Variants in TOP3A observed in about 807,000 individuals in gnomAD.
TOP3A encodes DNA topoisomerase 3-alpha.
In TOP3A, 64 loss-of-function variants were observed where a neutral mutation model predicts 111.3. The ratio of observed to expected loss-of-function variants is 0.57; its 90% CI spans 0.47 to 0.71. The LOEUF is 0.71. Ranked by LOEUF, TOP3A falls within the 30% of genes least tolerant of loss-of-function variation. The pLI is 0.00. For missense variants in TOP3A, 1,104 were observed against 1,285.0 expected (o/e 0.86, Z 2.15); for synonymous variants, 484 against 485.1 (o/e 1.00, Z 0.03).
chr17:18,299,766 A>G (rs554404168), intron 8 of TOP3A, 133 bp from the exon 9 acceptor site: 796 of 779,988 alleles, frequency 1.0e-3, no homozygotes, highest in Non-Finnish European at 1.3e-3. Context: ...ACAGCCTAGA[A>G]GAGTGCCCCA....
chr17:18,284,579 AAT>A (rs1219073994), intron 15 of TOP3A, among the ~76,000 whole-genome samples: 1 of 152,096 alleles, frequency 6.6e-6, no homozygotes, highest in Non-Finnish European at 1.5e-5. Context: ...ATGAAGTCCA[AAT>A]ATATATATCT....
intron 15 of TOP3A, among the ~76,000 whole-genome samples, chr17:18,284,423 G>A (rs1225217102): frequency 3.3e-5 from 5 of 152,010 alleles, no homozygotes; most frequent in Non-Finnish European, 5.9e-5. Flanking sequence ...GGTAGGGGTG[G>A]GACTCAAAGT....
chr17:18,305,640 C>T (rs1224823632), intron 4 of TOP3A, among the ~76,000 whole-genome samples: 1 of 151,816 alleles, frequency 6.6e-6, no homozygotes, highest in South Asian at 2.1e-4. Flanking sequence ...AGATCGAGAC[C>T]ATCCTGGTTA....
rs1305568876 is a variant in TOP3A, at chr17:18,308,160, C to T, written c.314+191G>A. Among the ~76,000 whole-genome samples, 24 of 141,774 alleles carry T rather than the reference C, an allele frequency of 1.7e-4. No individual in the cohort carries two copies. The Admixed American group carries it at 1.9e-3, about 11-fold the overall frequency. The allele number at this position is 141,774 out of a possible 152,430, so 93.0% of individuals were successfully genotyped here. ...CCAGGAGGCAGAGGTTGCTGTGAGC[C>T]GAGATCACACCACTGCACTCCAGCC... On this transcript the variant is annotated intron_variant, in intron 3 of 18. Transcript: ENST00000321105.
In TOP3A at chr17:18,272,596, C is replaced by T. The variant is rs1459852177; in HGVS notation, c.*2206G>A. On this transcript the variant is annotated 3_prime_UTR_variant, in exon 19 of 19. Coordinates refer to ENST00000321105, the MANE Select transcript of TOP3A (RefSeq NM_004618.5). The stretch of plus-strand genomic sequence containing the variant: ...TGGGCTATCAGCTTATCATAAACAT[C>T]GAGGACTGACATGCTACAATGTGGA... Among the ~76,000 whole-genome samples the T allele has an allele frequency of 6.6e-6, 1 of 152,162 alleles. No homozygotes were observed. The highest frequency in any genetic ancestry group is 2.4e-5 in the African/African-American group (1 of 41,430).
intron 9 of TOP3A, 49 bp downstream of exon 9, chr17:18,299,510 A>C: frequency 1.3e-6 from 2 of 1,565,874 alleles, no homozygotes. Flanking sequence ...CACAGCCTCA[A>C]AACAGTAAGT....
At chr17:18,286,623 A>T (rs1383468777) in intron 13 of TOP3A, among the ~76,000 whole-genome samples, 1 of 152,218 alleles carries the variant, frequency 6.6e-6, no homozygotes, top group East Asian at 1.9e-4. Flanking sequence ...GGATGTGGAT[A>T]AACTGGAATC....
chr17:18,281,635 G>A (rs1053621170), intron 16 of TOP3A, among the ~76,000 whole-genome samples: 2 of 152,176 alleles, frequency 1.3e-5, no homozygotes, highest in Non-Finnish European at 2.9e-5. Flanking sequence ...ACTGGCTTCT[G>A]TCTGTGAGTG....
chr17:18,297,774 A>C (rs1980922427), intron 9 of TOP3A, among the ~76,000 whole-genome samples: 1 of 151,884 alleles, frequency 6.6e-6, no homozygotes, highest in South Asian at 2.1e-4. Context: ...GGCTCGCTAC[A>C]ACCTTCACCT....
Position 18,274,709 on chromosome 17 carries a change from G to C in TOP3A, c.*93C>G. The C allele has an allele frequency of 6.6e-7, 1 of 1,526,630 alleles. No individual in the cohort carries two copies. Among genetic ancestry groups the C allele is most frequent in the Non-Finnish European group, 8.8e-7 (1 of 1,136,690 alleles). The allele number at this position is 1,526,630 out of a possible 1,614,324, so 94.6% of individuals were successfully genotyped here. A position where few individuals can be genotyped will look rare whatever the true frequency, so the allele number is the denominator to read the frequency against. On this transcript the variant is annotated 3_prime_UTR_variant, in exon 19 of 19. Coordinates refer to ENST00000321105, the MANE Select transcript of TOP3A (RefSeq NM_004618.5). ...GCCAACACTGTCCTCTAAGTTTCCA[G>C]GACACTAAATGGCCACTTGGTCCTG...
At chr17:18,308,185 C>T (rs528345429) in intron 3 of TOP3A, 166 bp downstream of exon 3, 3 of 450,572 alleles carry the variant, frequency 6.7e-6, no homozygotes, top group African/African-American at 4.3e-5. Context: ...GCACTCCAGC[C>T]TGGGAGACAG....
At chr17:18,306,679 T>C in intron 4 of TOP3A, 2 of 487,610 alleles carry the variant, frequency 4.1e-6, no homozygotes, top group East Asian at 3.4e-5. Context: ...ATTCCTAGGA[T>C]TTAAACAACT....
At chr17:18,310,547 C>T (rs866312162) in intron 1 of TOP3A, among the ~76,000 whole-genome samples, 3 of 151,988 alleles carry the variant, frequency 2.0e-5, no homozygotes, top group Admixed American at 1.3e-4. Flanking sequence ...TATGGGTCCA[C>T]TTATAGGAAA....
intron 5 of TOP3A, chr17:18,303,140 A>T (rs1981342118): frequency 6.1e-6 from 1 of 163,546 alleles, no homozygotes; most frequent in African/African-American, 2.4e-5. Flanking sequence ...CTCAAGGTTT[A>T]AAGGATTTAG....
chr17:18,280,304 T>C, intron 17 of TOP3A: 1 of 382,696 alleles, frequency 2.6e-6, no homozygotes, highest in Non-Finnish European at 4.7e-6. Context: ...GAGCCCTTCA[T>C]GGTTCTTTGC....
Position 18,272,451 on chromosome 17 carries a change from A to C in TOP3A, c.*2351T>G, listed in dbSNP as rs1979053807. ...GCATATGCCCAAAATAACTGAAAAC[A>C]AGTCATCAGACACTCATACACCAAT... On this transcript the variant is annotated 3_prime_UTR_variant, in exon 19 of 19. Transcript: ENST00000321105. 6.6e-6 allele frequency among the ~76,000 whole-genome samples: 1 copy of C among 152,270 alleles called. No individual in the cohort carries two copies. Among genetic ancestry groups the C allele is most frequent in the African/African-American group, 2.4e-5 (1 of 41,466 alleles).
Position 18,275,553 on chromosome 17 carries a change from C to CG in TOP3A, c.2828-574dup, listed in dbSNP as rs774201720. ...TTATTTTTTGTATTTTTAGTAGAGA[C>CG]GGGTTTCATCATGTTAGCCAGGATG... On this transcript the variant is annotated intron_variant, in intron 18 of 18. Transcript: ENST00000321105. 1.4e-4 allele frequency among the ~76,000 whole-genome samples: 21 copies of CG among 150,818 alleles called. No homozygotes were observed. The South Asian group carries it at 2.9e-3, about 21-fold the overall frequency.
rs1389012556 is a variant in TOP3A, at chr17:18,274,914, TTGCTTC to T, written c.2888_2893del (p.Arg963_Ser964del). On this transcript the variant is annotated inframe_deletion, in exon 19 of 19. Transcript: ENST00000321105. ...GTCTGAGGAACTGGCCCGGGGCCTT[TTGCTTC>T]TGGCTTCCGACTCCAGGGTTCTTCC... 1 of 1,614,024 alleles carries T rather than the reference TTGCTTC, an allele frequency of 6.2e-7. No individual in the cohort carries two copies. Among genetic ancestry groups the T allele is most frequent in the Admixed American group, 1.7e-5 (1 of 59,998 alleles).
chr17:18,313,246 G>C (rs1444270794), intron 1 of TOP3A: 1 of 157,398 alleles, frequency 6.4e-6, no homozygotes, highest in Non-Finnish European at 1.4e-5. Context: ...AATGTTACAT[G>C]GCAGAACTGG....
Sources: gnomAD v4.1 joint callset for allele counts (sites outside exome capture counted in the v4.1 genomes callset) on GRCh38, gnomAD v4.1.1 for gene constraint, MANE v1.5 for transcripts, NCBI Gene and HGNC (gene_info 2026-07-23, HGNC 2026-07-21) for gene names.